CADM1: variants seen among roughly 807,000 people sequenced by gnomAD.
CADM1 encodes the protein TSLC-1.
CADM1 carries 15 observed loss-of-function variants against 53.1 expected under a neutral mutation model. The observed-to-expected ratio is 0.28, with a 90% CI of 0.19 to 0.44. The LOEUF is 0.44. Ranked by LOEUF, CADM1 falls within the 20% of genes least tolerant of loss-of-function variation. The pLI, the probability that CADM1 is intolerant of heterozygous loss-of-function variation, is 1.00. For missense variants in CADM1, 434 were observed against 611.3 expected (o/e 0.71, Z 3.06); for synonymous variants, 281 against 243.0 (o/e 1.16, Z -1.45).
At chr11:115,255,887 C>CAAAGCAGCT (rs1942769062) in intron 1 of CADM1, among the ~76,000 whole-genome samples, 1 of 152,160 alleles carries the variant, frequency 6.6e-6, no homozygotes, top group East Asian at 1.9e-4. Context: ...AATCCTCTCC[C>CAAAGCAGCT]AAAGCAGCTA....
intron 1 of CADM1, among the ~76,000 whole-genome samples, chr11:115,468,015 T>A (rs1341907945): frequency 2.0e-5 from 3 of 152,194 alleles, no homozygotes; most frequent in Admixed American, 6.5e-5. Context: ...CAAAATTTCA[T>A]AACCAGGTGC....
Position 115,198,431 on chromosome 11 carries a change from C to A in CADM1, c.1086G>T (p.Thr362=). The change falls in exon 9 of 12, where the codon ACG becomes ACT. Residue 362 remains threonine, a synonymous_variant. Coordinates refer to ENST00000331581, the MANE Select transcript of CADM1 (RefSeq NM_001301043.2). ...TTILTIITDT[T]ATTEPAVHGL... ...CGTGAACTGCTGGTTCTGTCGTCGCCGTTGTGTCTACAGACGGGAACAGAG... is the reference window on the plus strand; with the variant it reads ...CGTGAACTGCTGGTTCTGTCGTCGCAGTTGTGTCTACAGACGGGAACAGAG... The A allele has an allele frequency of 1.9e-6, 3 of 1,595,548 alleles. No individual in the cohort carries two copies. The highest frequency in any genetic ancestry group is 2.5e-6 in the Non-Finnish European group (3 of 1,178,620).
rs11606814 is a variant in CADM1 at position 115,171,793 on chromosome 11, G to T, written c.*4681C>A. 69,145 of 152,050 alleles carry T rather than the reference G, an allele frequency of 0.45. 17,017 individuals carry two copies. Among genetic ancestry groups the T allele is most frequent in the Non-Finnish European group, 0.55 (37,325 of 67,992 alleles). 9.4% of individuals were successfully genotyped at this position (152,050 alleles called of 1,614,324 possible). A position where few individuals can be genotyped will look rare whatever the true frequency, so the allele number is the denominator to read the frequency against. On this transcript the variant is annotated 3_prime_UTR_variant, in exon 12 of 12. Transcript: ENST00000331581. ...GGAGACTAAACATACTGCATGCCAC[G>T]TGGCTTGGAATAAGTCTGCTAATGA...
intron 1 of CADM1, among the ~76,000 whole-genome samples, chr11:115,485,461 C>T (rs1949353321): frequency 6.6e-6 from 1 of 152,216 alleles, no homozygotes; most frequent in Non-Finnish European, 1.5e-5. Context: ...TGTCCCCACC[C>T]AAATCTCATC....
intron 1 of CADM1, among the ~76,000 whole-genome samples, chr11:115,430,700 A>G (rs146669544): frequency 1.6e-4 from 24 of 152,320 alleles, no homozygotes; most frequent in Non-Finnish European, 1.8e-4. Context: ...GAAAGCAGAG[A>G]TTAAAAATGA....
At chr11:115,266,850 C>T (rs188256400) in intron 1 of CADM1, among the ~76,000 whole-genome samples, 24 of 152,310 alleles carry the variant, frequency 1.6e-4, no homozygotes, top group Admixed American at 9.1e-4. Flanking sequence ...GTTTCTGAAA[C>T]CTGCCTTTGC....
chr11:115,340,315 T>A (rs956468156), intron 1 of CADM1: 2 of 152,110 alleles, frequency 1.3e-5, no homozygotes, highest in African/African-American at 2.4e-5. Flanking sequence ...TCTATGATTA[T>A]CTCTGTTCCA....
chr11:115,220,928 G>A (rs1941382304), intron 5 of CADM1, among the ~76,000 whole-genome samples: 1 of 152,190 alleles, frequency 6.6e-6, no homozygotes, highest in African/African-American at 2.4e-5. Flanking sequence ...TGATTGAATA[G>A]CCCAGAGCTC....
chr11:115,211,206 T>G (rs1018381935), intron 7 of CADM1, among the ~76,000 whole-genome samples: 1 of 152,058 alleles, frequency 6.6e-6, no homozygotes, highest in African/African-American at 2.4e-5. Context: ...AAGCATTTTG[T>G]GACCTGGAAA....
chr11:115,258,323 G>T (rs966312112), intron 1 of CADM1, among the ~76,000 whole-genome samples: 1 of 152,076 alleles, frequency 6.6e-6, no homozygotes, highest in Non-Finnish European at 1.5e-5. Context: ...CTATTACTCC[G>T]ATATTGATAG....
At chr11:115,272,057 C>CT (rs1943313912) in intron 1 of CADM1, among the ~76,000 whole-genome samples, 1 of 148,324 alleles carries the variant, frequency 6.7e-6, no homozygotes, top group South Asian at 2.2e-4. Context: ...TTTAATATCA[C>CT]TTTTTCTGGT....
intron 1 of CADM1, among the ~76,000 whole-genome samples, chr11:115,241,262 T>C (rs1565319226): frequency 6.6e-6 from 1 of 152,130 alleles, no homozygotes; most frequent in African/African-American, 2.4e-5. Context: ...ACCGTACAGG[T>C]AGGAGGAGAA....
intron 1 of CADM1, among the ~76,000 whole-genome samples, chr11:115,271,576 C>T (rs1943300793): frequency 6.6e-6 from 1 of 152,196 alleles, no homozygotes; most frequent in South Asian, 2.1e-4. Context: ...GCCACCGCGC[C>T]CAGCCTAGGA....
At chr11:115,496,488 A>G (rs1337683269) in intron 1 of CADM1, among the ~76,000 whole-genome samples, 5 of 152,230 alleles carry the variant, frequency 3.3e-5, no homozygotes, top group Non-Finnish European at 5.9e-5. Flanking sequence ...CTGAAAAGTA[A>G]TAAGAAATGA....
intron 1 of CADM1, among the ~76,000 whole-genome samples, chr11:115,450,648 T>C (rs913697605): frequency 6.6e-6 from 1 of 152,212 alleles, no homozygotes; most frequent in African/African-American, 2.4e-5. Flanking sequence ...TAATGACATT[T>C]CCAAACAGGA....
chr11:115,348,156 T>C lies in CADM1; in HGVS notation c.125-107736A>G, dbSNP rs185049673. On this transcript the variant is annotated intron_variant, in intron 1 of 11. Transcript: ENST00000331581. ...AAAAGAGAAACCACACCAAGATTTC[T>C]TTGTTAAAGGTAAGGTAGGTTCTTA... Among the ~76,000 whole-genome samples the C allele has an allele frequency of 9.1e-4, 138 of 152,308 alleles. 1 individual carries two copies. The highest frequency in any genetic ancestry group is 2.9e-3 in the African/African-American group (122 of 41,582).
intron 8 of CADM1, 94 bp from the exon 9 acceptor site, chr11:115,198,532 A>G: frequency 2.2e-6 from 2 of 897,830 alleles, no homozygotes; most frequent in East Asian, 2.6e-5. Flanking sequence ...AACAGATAAT[A>G]TATGAGCAAG....
chr11:115,348,761 T>C (rs1945649232), intron 1 of CADM1, among the ~76,000 whole-genome samples: 1 of 152,212 alleles, frequency 6.6e-6, no homozygotes, highest in African/African-American at 2.4e-5. Flanking sequence ...TGCTCACCAC[T>C]GCTCTTGAGG....
At chr11:115,382,200 C>T (rs974590726) in intron 1 of CADM1, among the ~76,000 whole-genome samples, 62 of 152,210 alleles carry the variant, frequency 4.1e-4, no homozygotes, top group African/African-American at 1.4e-3. Flanking sequence ...TACAGCCCAA[C>T]AAACCTGTAA....
Sources: allele counts gnomAD v4.1 joint callset (sites outside exome capture counted in the v4.1 genomes callset), GRCh38; gene constraint gnomAD v4.1.1; transcripts MANE v1.5; gene names NCBI Gene and HGNC (gene_info 2026-07-23, HGNC 2026-07-21).